Variants in SEC22A observed in about 807,000 individuals in gnomAD.
SEC22A encodes SEC22 homolog A, vesicle trafficking protein, also known as vesicle-trafficking protein SEC22a.
SEC22A carries 22 observed loss-of-function variants against 35.3 expected under a neutral mutation model. The ratio of observed to expected loss-of-function variants is 0.62; its 90% CI spans 0.45 to 0.89. The LOEUF (loss-of-function observed/expected upper bound fraction) is 0.89. SEC22A is among the 40% of genes least tolerant of loss of function. SEC22A has a pLI of 0.00. For synonymous variants in SEC22A, 119 were observed against 129.5 expected, an observed-to-expected ratio of 0.92 and a Z score of 0.55; for missense variants, 354 against 362.5, an observed-to-expected ratio of 0.98 and a Z score of 0.19.
intron 1 of SEC22A, among the ~76,000 whole-genome samples, chr3:123,202,336 G>GT (rs1936764608): frequency 6.6e-6 from 1 of 152,216 alleles, no homozygotes; most frequent in Admixed American, 6.5e-5. Flanking sequence ...CAGCATGGTG[G>GT]TGGGGATTCC....
chr3:123,264,008 A>C (rs1237118018), intron 6 of SEC22A, among the ~76,000 whole-genome samples: 1 of 151,846 alleles, frequency 6.6e-6, no homozygotes, highest in East Asian at 1.9e-4. Flanking sequence ...CGCAGCTTTG[A>C]ACTGGGCTCA....
intron 6 of SEC22A, among the ~76,000 whole-genome samples, chr3:123,261,623 GT>G (rs1181893358): frequency 6.6e-6 from 1 of 152,146 alleles, no homozygotes; most frequent in African/African-American, 2.4e-5. Context: ...TAAAATACAA[GT>G]TTTGGTTGCT....
In SEC22A at chr3:123,225,035, A is replaced by G. The variant is rs1937196308; in HGVS notation, c.347-68A>G. The G allele has an allele frequency of 1.3e-5, 13 of 1,031,566 alleles. No individual in the cohort carries two copies. In the Admixed American group the frequency reaches 2.9e-4, roughly 23 times the overall value. The allele number at this position is 1,031,566 out of a possible 1,614,324, so 63.9% of individuals were successfully genotyped here. A position where few individuals can be genotyped will look rare whatever the true frequency, so the allele number is the denominator to read the frequency against. On this transcript the variant is annotated intron_variant, in intron 3 of 6. Coordinates refer to ENST00000492595, the MANE Select transcript of SEC22A (RefSeq NM_012430.5). ...ACTACCTGTAATATTTACTATCCAT[A>G]AACATCATATTCTGAAATGATTAAT...
chr3:123,259,502 A>G, intron 5 of SEC22A, 22 bp from the exon 6 acceptor site: 1 of 1,588,190 alleles, frequency 6.3e-7, no homozygotes, highest in African/African-American at 1.3e-5. Context: ...AACAAAAATA[A>G]TCTTTTATTT....
At chr3:123,255,959 C>T (rs1042954951) in intron 5 of SEC22A, among the ~76,000 whole-genome samples, 3 of 150,606 alleles carry the variant, frequency 2.0e-5, no homozygotes, top group African/African-American at 7.3e-5. Flanking sequence ...AAAGTTAATA[C>T]TGTAGGTATC....
intron 2 of SEC22A, among the ~76,000 whole-genome samples, chr3:123,216,099 T>A (rs1162239885): frequency 3.9e-5 from 6 of 152,218 alleles, no homozygotes. Flanking sequence ...TGGCAAAATG[T>A]ACAGCTTTTC....
intron 4 of SEC22A, among the ~76,000 whole-genome samples, chr3:123,239,364 T>G (rs969806087): frequency 2.0e-5 from 3 of 152,196 alleles, no homozygotes; most frequent in Admixed American, 2.0e-4. Context: ...GTTACGTATA[T>G]ATACATGTGC....
rs369490078 is a variant in SEC22A at position 123,259,766 on chromosome 3, C to G, written c.723+177C>G. On this transcript the variant is annotated intron_variant, in intron 6 of 6. Coordinates refer to ENST00000492595, the MANE Select transcript of SEC22A (RefSeq NM_012430.5). ...CTCCATTTTGAGTAGACATACATCC[C>G]AGTGAACCTGATGTTAACCTTCTTC... 4.6e-5 allele frequency among the ~76,000 whole-genome samples: 7 copies of G among 152,152 alleles called. 1 individual carries two copies. The highest frequency in any genetic ancestry group is 1.9e-4 in the East Asian group (1 of 5,190).
intron 6 of SEC22A, among the ~76,000 whole-genome samples, chr3:123,265,974 G>A (rs148789274): frequency 6.6e-6 from 1 of 152,200 alleles, no homozygotes; most frequent in Non-Finnish European, 1.5e-5. Flanking sequence ...AATTTTCTTA[G>A]TAGTTTTATA....
At chr3:123,219,237 A>G (rs150913178) in intron 2 of SEC22A, among the ~76,000 whole-genome samples, 3 of 152,224 alleles carry the variant, frequency 2.0e-5, no homozygotes, top group Non-Finnish European at 4.4e-5. Context: ...GAATGTAGAG[A>G]GGGAGGAGTA....
intron 4 of SEC22A, among the ~76,000 whole-genome samples, chr3:123,233,116 C>T (rs1937349857): frequency 1.3e-5 from 2 of 152,112 alleles, no homozygotes; most frequent in South Asian, 4.2e-4. Context: ...GGTGACAGAG[C>T]AAGACCATGT....
chr3:123,249,627 C>T (rs890000620), intron 5 of SEC22A, among the ~76,000 whole-genome samples: 3 of 152,086 alleles, frequency 2.0e-5, no homozygotes, highest in African/African-American at 7.2e-5. Context: ...CAGGTTCAAG[C>T]GATTCTCCTG....
chr3:123,248,096 C>T (rs1937581094), intron 5 of SEC22A, among the ~76,000 whole-genome samples: 1 of 152,130 alleles, frequency 6.6e-6, no homozygotes, highest in South Asian at 2.1e-4. Flanking sequence ...GAACGTACAG[C>T]TAACATCATC....
At chr3:123,236,335 T>C (rs1937418425) in intron 4 of SEC22A, among the ~76,000 whole-genome samples, 1 of 152,198 alleles carries the variant, frequency 6.6e-6, no homozygotes, top group South Asian at 2.1e-4. Context: ...ATGAAATGTA[T>C]ATATTCTATA....
chr3:123,232,782 T>C (rs538264237), intron 4 of SEC22A, among the ~76,000 whole-genome samples: 4 of 152,258 alleles, frequency 2.6e-5, no homozygotes, highest in Admixed American at 1.3e-4. Flanking sequence ...ATATATCTTA[T>C]GAATATGGAC....
intron 6 of SEC22A, among the ~76,000 whole-genome samples, chr3:123,263,199 A>T (rs962908003): frequency 2.6e-5 from 4 of 152,262 alleles, no homozygotes; most frequent in African/African-American, 9.6e-5. Flanking sequence ...CTATAAGAAA[A>T]TACCATAGAT....
chr3:123,271,531 C>A lies in SEC22A; in HGVS notation c.733C>A (p.Leu245Ile). The A allele has an allele frequency of 3.1e-6, 5 of 1,612,686 alleles. No homozygotes were observed. The highest frequency in any genetic ancestry group is 4.2e-6 in the Non-Finnish European group (5 of 1,179,612). Residue 245 changes from leucine to isoleucine, a missense_variant, in exon 7 of 7, where the codon CTT becomes ATT. Coordinates refer to ENST00000492595, the MANE Select transcript of SEC22A (RefSeq NM_012430.5). ...TAACLYQCYL[L>I]VYYTGWRNVK... ...TTTATATTTTGAACAGTGTTATTTACTTGTCTACTACACCGGCTGGCGGAA... is the reference window on the plus strand; with the variant it reads ...TTTATATTTTGAACAGTGTTATTTAATTGTCTACTACACCGGCTGGCGGAA...
intron 4 of SEC22A, among the ~76,000 whole-genome samples, chr3:123,233,014 C>T (rs376586435): frequency 1.4e-4 from 21 of 151,918 alleles, no homozygotes; most frequent in Non-Finnish European, 2.1e-4. Context: ...TGTGTAGTCC[C>T]GGCAACTCAG....
intron 2 of SEC22A, among the ~76,000 whole-genome samples, chr3:123,221,536 A>AATT (rs1559753472): frequency 6.6e-6 from 1 of 150,624 alleles, no homozygotes; most frequent in East Asian, 1.9e-4. Context: ...AGGAGTGGTG[A>AATT]ATTACATCCT....
Sources: gnomAD v4.1 joint callset for allele counts (sites outside exome capture counted in the v4.1 genomes callset) on GRCh38, gnomAD v4.1.1 for gene constraint, MANE v1.5 for transcripts, NCBI Gene and HGNC (gene_info 2026-07-23, HGNC 2026-07-21) for gene names.